DLG2: variants seen among roughly 807,000 people sequenced by gnomAD.
The protein encoded by DLG2 is discs large MAGUK scaffold protein 2.
Under a neutral mutation model 132.5 loss-of-function variants are expected in DLG2, and 45 were observed. The observed-to-expected ratio is 0.34, with a 90% CI of 0.27 to 0.44. The LOEUF (loss-of-function observed/expected upper bound fraction) is 0.44. Among genes scored for constraint, DLG2 ranks in the 20% least tolerant of loss-of-function variants. The pLI is 1.00. For synonymous variants in DLG2, 424 were observed against 419.6 expected (o/e 1.01, Z -0.13); for missense variants, 1,045 against 1,196.9 (o/e 0.87, Z 1.87).
chr11:84,491,302 T>C (rs111838463), intron 7 of DLG2, among the ~76,000 whole-genome samples: 2,869 of 152,102 alleles, frequency 0.019, 101 homozygotes, highest in African/African-American at 0.065. Context: ...TAAGATCTGA[T>C]GGTTATTATA....
chr11:84,106,184 G>C (rs960632085), intron 9 of DLG2, among the ~76,000 whole-genome samples: 1 of 152,056 alleles, frequency 6.6e-6, no homozygotes, highest in African/African-American at 2.4e-5. Flanking sequence ...TTGATAGAAA[G>C]GTCTGTTGGT....
intron 18 of DLG2, among the ~76,000 whole-genome samples, chr11:83,741,293 G>T (rs950879613): frequency 1.1e-4 from 16 of 152,208 alleles, no homozygotes; most frequent in African/African-American, 3.9e-4. Context: ...AGTACTGGAA[G>T]TTCTAGCCAG....
At chr11:84,285,731 T>C (rs551764794) in intron 7 of DLG2, among the ~76,000 whole-genome samples, 4 of 152,228 alleles carry the variant, frequency 2.6e-5, no homozygotes, top group African/African-American at 4.8e-5. Context: ...CATCCTGTTA[T>C]AGCTTTTCAT....
chr11:84,038,441 A>G (rs771432368), intron 11 of DLG2, among the ~76,000 whole-genome samples: 21 of 152,240 alleles, frequency 1.4e-4, no homozygotes, highest in Non-Finnish European at 1.8e-4. Context: ...CAAAACCACA[A>G]TTAGATACCA....
intron 14 of DLG2, 110 bp downstream of exon 14, chr11:83,962,775 G>A: frequency 7.3e-7 from 1 of 1,369,696 alleles, no homozygotes; most frequent in Non-Finnish European, 1.0e-6. Flanking sequence ...AAGGTTGAAT[G>A]GGACCCAGAA....
At chr11:85,573,981 T>C (rs750609967) in intron 3 of DLG2, among the ~76,000 whole-genome samples, 1 of 152,150 alleles carries the variant, frequency 6.6e-6, no homozygotes, top group African/African-American at 2.4e-5. Context: ...ATCTAGAAAT[T>C]GACATTTTCA....
chr11:84,707,598 G>C (rs913030523), intron 6 of DLG2, among the ~76,000 whole-genome samples: 4 of 151,776 alleles, frequency 2.6e-5, no homozygotes, highest in Non-Finnish European at 4.4e-5. Flanking sequence ...CCCAAGCTAG[G>C]AGCTGGCTGA....
chr11:84,540,029 C>T (rs537371795), intron 6 of DLG2, among the ~76,000 whole-genome samples: 3 of 152,114 alleles, frequency 2.0e-5, no homozygotes, highest in Non-Finnish European at 4.4e-5. Flanking sequence ...ACATCTTATA[C>T]CAAAATTAAT....
intron 14 of DLG2, among the ~76,000 whole-genome samples, chr11:83,939,542 CAA>C (rs1452442184): frequency 6.6e-6 from 1 of 152,170 alleles, no homozygotes; most frequent in East Asian, 1.9e-4. Context: ...ATATCACCTA[CAA>C]TTTCTTTCTT....
chr11:84,391,373 G>T (rs2098792106), intron 7 of DLG2, among the ~76,000 whole-genome samples: 1 of 152,122 alleles, frequency 6.6e-6, no homozygotes, highest in Admixed American at 6.5e-5. Flanking sequence ...CAATGACAAT[G>T]TTTACTCATT....
At chr11:84,286,489 T>C (rs1490426167) in intron 7 of DLG2, among the ~76,000 whole-genome samples, 1 of 152,160 alleles carries the variant, frequency 6.6e-6, no homozygotes, top group Non-Finnish European at 1.5e-5. Flanking sequence ...AACTAGAACA[T>C]GGAATAACTT....
At chr11:84,723,700 T>C (rs1489493725) in intron 6 of DLG2, among the ~76,000 whole-genome samples, 1 of 152,128 alleles carries the variant, frequency 6.6e-6, no homozygotes, top group South Asian at 2.1e-4. Context: ...GGGGGTGTAC[T>C]GCAATATTTT....
In DLG2 at chr11:84,372,413, G is replaced by A. The variant is rs145197456; in HGVS notation, c.520-121122C>T. Among the ~76,000 whole-genome samples the A allele has an allele frequency of 2.2e-4, 34 of 152,248 alleles. No homozygotes were observed. The South Asian group carries it at 4.6e-3, about 20-fold the overall frequency. ...AAGCTGTGATGATTTGCCATCACAC[G>A]AAATTTGTATTTAATAAATAAAGAC... is the stretch of plus-strand genomic sequence containing the variant. On this transcript the variant is annotated intron_variant, in intron 7 of 27. Transcript: ENST00000376104.
chr11:84,037,956 T>A (rs2154100608), intron 11 of DLG2, among the ~76,000 whole-genome samples: 1 of 152,262 alleles, frequency 6.6e-6, no homozygotes, highest in African/African-American at 2.4e-5. Context: ...TTAAACTTTG[T>A]GTTTTCTTTT....
chr11:85,538,454 C>A (rs1240874145), intron 3 of DLG2, among the ~76,000 whole-genome samples: 1 of 151,800 alleles, frequency 6.6e-6, no homozygotes, highest in East Asian at 1.9e-4. Context: ...GACCTAGAAC[C>A]AGAAATACCA....
At chr11:84,412,196 T>G (rs1410751489) in intron 7 of DLG2, among the ~76,000 whole-genome samples, 1 of 151,692 alleles carries the variant, frequency 6.6e-6, no homozygotes, top group Non-Finnish European at 1.5e-5. Flanking sequence ...GAAACTCTAC[T>G]ATGCATGTTA....
At chr11:84,309,768 T>C (rs1339839646) in intron 7 of DLG2, among the ~76,000 whole-genome samples, 1 of 152,210 alleles carries the variant, frequency 6.6e-6, no homozygotes, top group Non-Finnish European at 1.5e-5. Flanking sequence ...CATAGGGAGA[T>C]AGAACGTTTG....
intron 4 of DLG2, among the ~76,000 whole-genome samples, chr11:85,178,745 T>C (rs1273231970): frequency 6.6e-6 from 1 of 151,770 alleles, no homozygotes; most frequent in Admixed American, 6.6e-5. Flanking sequence ...TTAATAGATA[T>C]TATAAACCAT....
At position 84,586,066 on chromosome 11, in the gene DLG2, G is replaced by A. The variant is rs370308493; in HGVS notation, c.358-51335C>T. On this transcript the variant is annotated intron_variant, in intron 6 of 27. Transcript: ENST00000376104. ...CTTGGGTGGCTGAGGCAGGAGAATC[G>A]CTTGAACCTGGGAGGTGGAGGTTGC... Among the ~76,000 whole-genome samples the A allele has an allele frequency of 4.0e-5, 6 of 150,812 alleles. No individual in the cohort carries two copies. The South Asian group carries it at 6.2e-4, about 16-fold the overall frequency.
Sources: gnomAD v4.1 joint callset for allele counts (sites outside exome capture counted in the v4.1 genomes callset) on GRCh38, gnomAD v4.1.1 for gene constraint, MANE v1.5 for transcripts, NCBI Gene and HGNC (gene_info 2026-07-23, HGNC 2026-07-21) for gene names.